The following RGS12 variants were observed in gnomAD, a reference collection of about 807,000 sequenced individuals.
RGS12 encodes regulator of G-protein signaling 12.
RGS12 carries 66 observed loss-of-function variants against 120.1 expected under a neutral mutation model. The ratio of observed to expected loss-of-function variants is 0.55; its 90% CI spans 0.45 to 0.67. The LOEUF (loss-of-function observed/expected upper bound fraction) is 0.67, where lower values mean the gene tolerates loss of function less well. Ranked by LOEUF, RGS12 falls within the 30% of genes least tolerant of loss-of-function variation. RGS12 has a pLI of 0.00. For synonymous variants in RGS12, 827 were observed against 804.7 expected (o/e 1.03, Z -0.47); for missense variants, 1,859 against 1,957.7 (o/e 0.95, Z 0.95).
chr4:3,374,234 C>G lies in RGS12; in HGVS notation c.1999-12182C>G, dbSNP rs898516046. Among the ~76,000 whole-genome samples, 3 of 152,268 alleles carry G rather than the reference C, an allele frequency of 2.0e-5. No homozygotes were observed. Among genetic ancestry groups the G allele is most frequent in the Admixed American group, 1.3e-4 (2 of 15,292 alleles). On this transcript the variant is annotated intron_variant, in intron 3 of 17. Transcript: ENST00000336727. This position sits in a 1 kb window ranked among gnomAD's most constrained non-coding sequence, Gnocchi z 6.3. ...GGCCCTCCGCAGACAGCAGGAGCTG[C>G]CGAGCTCCGAGTGCTGGGCCAGCTT...
chr4:3,309,488 G>T (rs1010575038), intron 1 of RGS12, among the ~76,000 whole-genome samples: 1 of 131,826 alleles, frequency 7.6e-6, no homozygotes, highest in African/African-American at 2.8e-5. Context: ...CCGTGTGGGG[G>T]AGGAGCTGGG....
At position 3,390,125 on chromosome 4, in the gene RGS12, C is replaced by T. The variant is rs1007474525; in HGVS notation, c.2020+3688C>T. 1.1e-4 allele frequency among the ~76,000 whole-genome samples: 17 copies of T among 152,200 alleles called. No homozygotes were observed. The highest frequency in any genetic ancestry group is 7.8e-4 in the Admixed American group (12 of 15,292). On this transcript the variant is annotated intron_variant, in intron 4 of 17. Transcript: ENST00000336727. The surrounding 1 kb of genome is among the most constrained non-coding windows in gnomAD (Gnocchi z 4.6). Reference sequence around the variant, plus strand: ...CTGGACCCCTCCACCAGCTCAGAGCCCCTGTTCCCCCAACCATCCTGCGTC... The same window carrying T: ...CTGGACCCCTCCACCAGCTCAGAGCTCCTGTTCCCCCAACCATCCTGCGTC...
Position 3,423,571 on chromosome 4 carries a change from C to T in RGS12, c.3164C>T (p.Pro1055Leu), listed in dbSNP as rs1241509570. The T allele has an allele frequency of 6.2e-7, 1 of 1,612,820 alleles. No individual in the cohort carries two copies. The highest frequency in any genetic ancestry group is 8.5e-7 in the Non-Finnish European group (1 of 1,179,972). The change falls in exon 13 of 18, where the codon CCC (proline) becomes CTC (leucine). Residue 1055 changes from proline (P) to leucine (L), a missense_variant. Transcript: ENST00000336727. ...GGACTCAAGGCCAAGCCCACCAAGC[C>T]CGTCACGGAGGTGCTGCGGCCCGTG... is the stretch of plus-strand genomic sequence containing the variant. ...SVGLKAKPTK[P>L]VTEVLRPVVA...
At chr4:3,422,267 G>A (rs1241274075) in intron 10 of RGS12, 109 bp from the exon 11 acceptor site, 21 of 1,111,962 alleles carry the variant, frequency 1.9e-5, no homozygotes, top group East Asian at 7.8e-5. Context: ...GTGGCAGGGC[G>A]CCAGCCTCCC....
At chr4:3,320,805 C>T (rs1316426575) in intron 2 of RGS12, among the ~76,000 whole-genome samples, 1 of 152,148 alleles carries the variant, frequency 6.6e-6, no homozygotes, top group Non-Finnish European at 1.5e-5. Context: ...CCGGACGTCG[C>T]CGTGGACAGG....
intron 3 of RGS12, among the ~76,000 whole-genome samples, chr4:3,381,555 C>T (rs998661570): frequency 2.6e-5 from 4 of 152,184 alleles, no homozygotes; most frequent in African/African-American, 7.2e-5. Flanking sequence ...AAAGCAAACA[C>T]GTCCTTCTTC....
the RGS12 span, among the ~76,000 whole-genome samples, chr4:3,286,864 C>G: frequency 2.0e-5 from 3 of 152,224 alleles, no homozygotes; most frequent in Non-Finnish European, 4.4e-5. Context: ...CGAATGGGAG[C>G]CCGGTCAGCA....
chr4:3,427,979 C>T, intron 14 of RGS12, 111 bp from the exon 15 acceptor site: 3 of 1,014,110 alleles, frequency 3.0e-6, no homozygotes, highest in Non-Finnish European at 4.7e-6. Context: ...GCAGCAGATG[C>T]CTTGTGGCTT....
chr4:3,342,882 G>C (rs1713386229), intron 2 of RGS12, 55 bp from the exon 3 acceptor site: 1 of 1,201,976 alleles, frequency 8.3e-7, no homozygotes, highest in African/African-American at 1.5e-5. Context: ...CATTGGACAA[G>C]ACTAAACATC....
chr4:3,314,018 TA>T (rs1351765602), intron 1 of RGS12: 18 of 151,542 alleles, frequency 1.2e-4, no homozygotes, highest in Non-Finnish European at 2.4e-4. Context: ...TTTTAATTAT[TA>T]AAAAATTATA....
At chr4:3,438,370 G>T (rs80173390) in intron 17 of RGS12, among the ~76,000 whole-genome samples, 7 of 151,844 alleles carry the variant, frequency 4.6e-5, no homozygotes, top group Non-Finnish European at 1.0e-4. Flanking sequence ...CCGCACAGAT[G>T]GGGGGGTGGG....
intron 3 of RGS12, among the ~76,000 whole-genome samples, chr4:3,347,005 T>G (rs191096635): frequency 6.6e-6 from 1 of 150,832 alleles, no homozygotes; most frequent in African/African-American, 2.4e-5. Flanking sequence ...TTTTTTTTTG[T>G]AAATAACCAC....
At chr4:3,388,904 C>T (rs1352015385) in intron 4 of RGS12, among the ~76,000 whole-genome samples, 1 of 152,212 alleles carries the variant, frequency 6.6e-6, no homozygotes, top group Non-Finnish European at 1.5e-5. Context: ...AAATGCTCCC[C>T]GAGTTCCAAG....
At chr4:3,425,279 G>C (rs1052060128) in intron 13 of RGS12, among the ~76,000 whole-genome samples, 185 bp from the exon 14 acceptor site, 1 of 152,032 alleles carries the variant, frequency 6.6e-6, no homozygotes, top group African/African-American at 2.4e-5. Context: ...GTGTAGTCGG[G>C]ACCCATGTCA....
chr4:3,331,184 G>T (rs1290592939), intron 2 of RGS12, among the ~76,000 whole-genome samples: 1 of 152,232 alleles, frequency 6.6e-6, no homozygotes, highest in Non-Finnish European at 1.5e-5. Flanking sequence ...TCCTGTTTTG[G>T]TGTAAAAAAT....
chr4:3,439,570 TG>T lies in RGS12; in HGVS notation c.4233del (p.Arg1412GlyfsTer80). 1 of 1,611,758 alleles carries T rather than the reference TG, an allele frequency of 6.2e-7. No individual in the cohort carries two copies. The highest frequency in any genetic ancestry group is 8.5e-7 in the Non-Finnish European group (1 of 1,179,354). On this transcript the variant is annotated frameshift_variant, in exon 18 of 18. Transcript: ENST00000336727. LOFTEE classifies it low-confidence loss of function (END_TRUNC). The part of the protein sequence containing the change: ...GGIAGAQAGP[G>X]RSQASGGPPT... ...GCATAGCGGGGGCACAGGCTGGCCCTGGGAGGTCGCAGGCCAGTGGTGGGCC... is the reference window on the plus strand; with the variant it reads ...GCATAGCGGGGGCACAGGCTGGCCCTGGAGGTCGCAGGCCAGTGGTGGGCC...
intron 17 of RGS12, chr4:3,431,753 T>C (rs1344775488): frequency 1.0e-6 from 1 of 985,380 alleles, no homozygotes; most frequent in African/African-American, 1.7e-5. Flanking sequence ...TCATGGAGTG[T>C]GCTCAGGGGT....
rs142468329 is a variant in RGS12 at position 3,408,151 on chromosome 4, T to A, written c.2021-5921T>A. ...AAGCCACTGCAAGCAGGCCAGTGAG[T>A]TACAGACGTGGTGGCATCCCTCCCG... On this transcript the variant is annotated intron_variant, in intron 4 of 17. Transcript: ENST00000336727. Among the ~76,000 whole-genome samples the A allele has an allele frequency of 3.2e-4, 48 of 152,232 alleles. 2 individuals are homozygous for A. The East Asian group carries it at 9.3e-3, about 29-fold the overall frequency.
chr4:3,316,274 C>T lies in RGS12; in HGVS notation c.104C>T (p.Thr35Met), dbSNP rs201179338. Residue 35 changes from threonine (T) to methionine (M), a missense_variant, in exon 2 of 18, where the codon ACG (threonine) becomes ATG (methionine). Around this residue, in one of 3 missense-constraint regions of RGS12, gnomAD observed 967 missense variants for 994.2 expected, o/e 0.97. Coordinates refer to ENST00000336727, the MANE Select transcript of RGS12 (RefSeq NM_001394154.1). ...VARGRAGYGF[T>M]LSGQAPCVLS... Reference sequence around the variant, plus strand: ...CGGGGGAGGGCCGGCTACGGATTCACGCTTTCGGGACAGGCACCCTGTGTG... The same window carrying T: ...CGGGGGAGGGCCGGCTACGGATTCATGCTTTCGGGACAGGCACCCTGTGTG... 189 of 1,613,810 alleles carry T rather than the reference C, an allele frequency of 1.2e-4. No individual in the cohort carries two copies. Among genetic ancestry groups the T allele is most frequent in the Non-Finnish European group, 1.1e-4 (134 of 1,179,890 alleles).
Sources: allele counts gnomAD v4.1 joint callset (sites outside exome capture counted in the v4.1 genomes callset), GRCh38; gene constraint gnomAD v4.1.1; regional missense constraint gnomAD v4.1.1; non-coding constraint Gnocchi (gnomAD v3.1); transcripts MANE v1.5; gene names NCBI Gene and HGNC (gene_info 2026-07-23, HGNC 2026-07-21).